Variants in DSC1 observed in about 807,000 individuals in gnomAD.
DSC1 encodes the protein desmocollin 1, also known as desmocollin-1.
DSC1 carries 79 observed loss-of-function variants against 98.8 expected under a neutral mutation model. That is an observed-to-expected ratio of 0.80 (90% CI 0.67 to 0.96). The LOEUF (loss-of-function observed/expected upper bound fraction) is 0.96. Ranked by LOEUF, DSC1 falls within the 50% of genes least tolerant of loss-of-function variation. DSC1 has a pLI of 0.00. For missense variants in DSC1, 1,115 were observed against 1,075.9 expected, an observed-to-expected ratio of 1.04 and a Z score of -0.51; for synonymous variants, 405 against 372.1, an observed-to-expected ratio of 1.09 and a Z score of -1.02.
intron 6 of DSC1, among the ~76,000 whole-genome samples, chr18:31,146,071 G>A (rs761904683): frequency 3.3e-5 from 5 of 152,176 alleles, no homozygotes; most frequent in Middle Eastern, 3.4e-3. Flanking sequence ...CTAAGTTCAC[G>A]GGCTATTTTT....
At position 31,159,421 on chromosome 18, in the gene DSC1, G is replaced by A. The variant is rs374630740; in HGVS notation, c.148+24C>T. On this transcript the variant is annotated intron_variant, in intron 2 of 15. Coordinates refer to ENST00000257198, the MANE Select transcript of DSC1 (RefSeq NM_024421.2). ...GCTAAATGTGACAAGTTACAGCTAT[G>A]AAACTGTTAATAGTGTTTCTCACCT... The A allele has an allele frequency of 1.6e-5, 26 of 1,604,166 alleles. 2 individuals are homozygous for A. Among genetic ancestry groups the A allele is most frequent in the African/African-American group, 1.3e-5 (1 of 74,440 alleles).
intron 14 of DSC1, 113 bp from the exon 15 acceptor site, chr18:31,131,955 C>G (rs1275699279): frequency 5.6e-6 from 7 of 1,239,448 alleles, no homozygotes; most frequent in Admixed American, 4.6e-5. Flanking sequence ...CTCTGTTCCT[C>G]ATACATAAAA....
rs1988571614 is a variant in DSC1 at position 31,134,703 on chromosome 18, G to A, written c.1745C>T (p.Thr582Ile). Reference protein sequence around the residue: ...DHAPQIDKEVTICQNNEDFAV... With the variant: ...DHAPQIDKEVIICQNNEDFAV... ...AAAATCCTCATTATTCTGACAAATG[G>A]TCACTTCTTTGTCAATTTGAGGTGC... is the stretch of plus-strand genomic sequence containing the variant. Residue 582 changes from threonine to isoleucine, a missense_variant, in exon 12 of 16, where the codon ACC becomes ATC. Transcript: ENST00000257198. 1 of 1,612,962 alleles carries A rather than the reference G, an allele frequency of 6.2e-7. No homozygotes were observed. Among genetic ancestry groups the A allele is most frequent in the African/African-American group, 1.3e-5 (1 of 74,866 alleles).
At chr18:31,147,936 C>T (rs1988880640) in intron 6 of DSC1, among the ~76,000 whole-genome samples, 4 of 151,832 alleles carry the variant, frequency 2.6e-5, no homozygotes, top group Admixed American at 2.6e-4. Context: ...TTCTATATAT[C>T]CTTAAATGAC....
In DSC1 at chr18:31,131,805, A is replaced by G; in HGVS notation, c.2276T>C (p.Ile759Thr). Residue 759 changes from isoleucine (I) to threonine (T), a missense_variant, in exon 15 of 16, where the codon ATT becomes ACT. By Grantham distance (89) the Ile-to-Thr change is moderately conservative (BLOSUM62 -1). Coordinates refer to ENST00000257198, the MANE Select transcript of DSC1 (RefSeq NM_024421.2). ...NIRLPMQTSN[I>T]CDTSMSVGTV... The stretch of plus-strand genomic sequence containing the variant: ...ACCAACAGACATGCTTGTGTCACAA[A>G]TGTTGGATGTCTGCATGGGGAGTCT... 1 of 1,614,092 alleles carries G rather than the reference A, an allele frequency of 6.2e-7. No individual in the cohort carries two copies. The highest frequency in any genetic ancestry group is 8.5e-7 in the Non-Finnish European group (1 of 1,179,968).
chr18:31,144,985 G>C (rs1988815299), intron 7 of DSC1, among the ~76,000 whole-genome samples: 1 of 149,328 alleles, frequency 6.7e-6, no homozygotes, highest in African/African-American at 2.5e-5. Flanking sequence ...TGTCACCCAG[G>C]CTGGGGTGCA....
At chr18:31,151,558 T>C (rs1277725272) in intron 5 of DSC1, among the ~76,000 whole-genome samples, 2 of 152,168 alleles carry the variant, frequency 1.3e-5, no homozygotes, top group African/African-American at 4.8e-5. Flanking sequence ...AGGTTATAAG[T>C]GGGTTATTTA....
intron 8 of DSC1, among the ~76,000 whole-genome samples, chr18:31,142,884 A>C (rs1598619450): frequency 6.6e-6 from 1 of 152,080 alleles, no homozygotes; most frequent in East Asian, 1.9e-4. Context: ...ATCTTGACTT[A>C]ACAGACTTTC....
At chr18:31,159,405 G>A in intron 2 of DSC1, 40 bp downstream of exon 2, 27 of 1,592,166 alleles carry the variant, frequency 1.7e-5, no homozygotes, top group Non-Finnish European at 2.2e-5. Flanking sequence ...AGCTAAATGT[G>A]ACAAGTTACA....
In DSC1 at chr18:31,148,584, A is replaced by G. The variant is rs113711768; in HGVS notation, c.686T>C (p.Ile229Thr). ...GYAPEYPLPLIIKIEDDNDNA... is the reference protein window; with the variant it reads ...GYAPEYPLPLTIKIEDDNDNA... Reference sequence around the variant, plus strand: ...ATCATTATCATCTTCAATTTTGATGATCAAAGGGAGTGGATATTCTGGTGC... The same window carrying G: ...ATCATTATCATCTTCAATTTTGATGGTCAAAGGGAGTGGATATTCTGGTGC... Residue 229 changes from isoleucine to threonine, a missense_variant, in exon 6 of 16, where the codon ATC (isoleucine) becomes ACC (threonine). Coordinates refer to ENST00000257198, the MANE Select transcript of DSC1 (RefSeq NM_024421.2). 6.2e-7 allele frequency: 1 copy of G among 1,611,648 alleles called. No individual in the cohort carries two copies. The highest frequency in any genetic ancestry group is 1.7e-5 in the Admixed American group (1 of 59,970).
chr18:31,146,828 A>G (rs191034900), intron 6 of DSC1, among the ~76,000 whole-genome samples: 3 of 152,346 alleles, frequency 2.0e-5, no homozygotes, highest in Non-Finnish European at 4.4e-5. Context: ...AATAACAAAT[A>G]TTTTATGCTT....
chr18:31,145,302 G>A (rs748923541), intron 7 of DSC1, among the ~76,000 whole-genome samples: 9 of 152,116 alleles, frequency 5.9e-5, no homozygotes, highest in Non-Finnish European at 1.2e-4. Context: ...CAAACTTTAT[G>A]AATTTAAAAA....
chr18:31,143,161 T>A (rs1183478701), intron 8 of DSC1, among the ~76,000 whole-genome samples: 1 of 151,766 alleles, frequency 6.6e-6, no homozygotes, highest in African/African-American at 2.4e-5. Flanking sequence ...TTTATATATA[T>A]CTCTTATTGT....
At chr18:31,151,953 A>G (rs12606830) in intron 5 of DSC1, among the ~76,000 whole-genome samples, 35,783 of 152,028 alleles carry the variant, frequency 0.24, 4,735 homozygotes, top group East Asian at 0.56. Flanking sequence ...CCTGAGGCCA[A>G]GAGTTTGAGA....
At chr18:31,147,839 G>T (rs1362337386) in intron 6 of DSC1, among the ~76,000 whole-genome samples, 1 of 152,032 alleles carries the variant, frequency 6.6e-6, no homozygotes, top group Non-Finnish European at 1.5e-5. Flanking sequence ...CCATAAAATA[G>T]ACATTCCTGT....
At chr18:31,141,497 T>G (rs2144929969) in intron 9 of DSC1, among the ~76,000 whole-genome samples, 1 of 152,232 alleles carries the variant, frequency 6.6e-6, no homozygotes, top group East Asian at 1.9e-4. Context: ...ATTTAAAAAA[T>G]CCAAAGCAAT....
intron 2 of DSC1, 37 bp from the exon 3 acceptor site, chr18:31,157,610 A>C: frequency 2.5e-6 from 4 of 1,611,150 alleles, no homozygotes; most frequent in Non-Finnish European, 3.4e-6. Flanking sequence ...TTGTCAGATG[A>C]AACAGGAGTG....
chr18:31,140,742 A>G (rs942050562), intron 9 of DSC1, among the ~76,000 whole-genome samples: 3 of 152,214 alleles, frequency 2.0e-5, no homozygotes, highest in Non-Finnish European at 4.4e-5. Flanking sequence ...ATAGAATGAT[A>G]TTTAACAGCA....
intron 6 of DSC1, among the ~76,000 whole-genome samples, chr18:31,147,560 T>C (rs1598623018): frequency 6.6e-6 from 1 of 152,210 alleles, no homozygotes; most frequent in South Asian, 2.1e-4. Context: ...CATTTAAAAA[T>C]GTTCTACATA....
Sources: allele counts gnomAD v4.1 joint callset (sites outside exome capture counted in the v4.1 genomes callset), GRCh38; gene constraint gnomAD v4.1.1; transcripts MANE v1.5; gene names NCBI Gene and HGNC (gene_info 2026-07-23, HGNC 2026-07-21).